The following TRPM3 variants were observed in gnomAD, a reference collection of about 807,000 sequenced individuals.
TRPM3 encodes transient receptor potential cation channel subfamily M member 3.
Under a neutral mutation model 181.2 loss-of-function variants are expected in TRPM3, and 77 were observed. The ratio of observed to expected loss-of-function variants is 0.42; its 90% confidence interval spans 0.35 to 0.51. TRPM3 has a LOEUF of 0.51. TRPM3 is among the 20% of genes least tolerant of loss of function. The pLI, the probability that TRPM3 is intolerant of heterozygous loss-of-function variation, is 0.01. For missense variants in TRPM3, 1,759 were observed against 2,196.7 expected (o/e 0.80, Z 3.98); for synonymous variants, 745 against 796.4 (o/e 0.94, Z 1.09).
At chr9:70,869,326 C>T (rs1292491027) in intron 1 of TRPM3, among the ~76,000 whole-genome samples, 1 of 151,890 alleles carries the variant, frequency 6.6e-6, no homozygotes, top group Non-Finnish European at 1.5e-5. Context: ...TGGCACAGGT[C>T]CTAACAGGCT....
chr9:70,990,644 A>T (rs952950220), intron 1 of TRPM3, among the ~76,000 whole-genome samples: 1 of 152,128 alleles, frequency 6.6e-6, no homozygotes, highest in African/African-American at 2.4e-5. Context: ...GTTGTTTATT[A>T]TTACTGGTGT....
intron 1 of TRPM3, among the ~76,000 whole-genome samples, chr9:70,994,938 G>A (rs776736698): frequency 4.6e-5 from 7 of 152,290 alleles, no homozygotes; most frequent in Non-Finnish European, 1.0e-4. Flanking sequence ...GTTTCCTGCA[G>A]GGCATGTTCT....
chr9:70,543,447 AT>A lies in TRPM3; in HGVS notation c.3708-6043del, dbSNP rs527667874. Among the ~76,000 whole-genome samples the A allele has an allele frequency of 2.6e-4, 40 of 150,998 alleles. No homozygotes were observed. The South Asian group carries it at 6.7e-3, about 25-fold the overall frequency. ...ACAGCAGATCTTATTCATTCTTTCT[AT>A]TTTTTTTTGTACCCATTAACCATTC... On this transcript the variant is annotated intron_variant, in intron 25 of 25. Coordinates refer to ENST00000677713, the MANE Select transcript of TRPM3 (RefSeq NM_001366145.2).
At chr9:71,263,785 T>G (rs561856206) in intron 1 of TRPM3, among the ~76,000 whole-genome samples, 2 of 152,242 alleles carry the variant, frequency 1.3e-5, no homozygotes, top group Non-Finnish European at 2.9e-5. Context: ...TTTTTCCTTC[T>G]TCTTTTTATT....
chr9:70,652,998 T>C (rs1451418123), intron 9 of TRPM3, among the ~76,000 whole-genome samples: 1 of 151,956 alleles, frequency 6.6e-6, no homozygotes, highest in Non-Finnish European at 1.5e-5. Context: ...GCCAAGGACT[T>C]GTTAGGTCGA....
intron 1 of TRPM3, among the ~76,000 whole-genome samples, chr9:70,892,346 A>C (rs1000441507): frequency 6.6e-6 from 1 of 152,150 alleles, no homozygotes; most frequent in Non-Finnish European, 1.5e-5. Flanking sequence ...AATTCGTAGA[A>C]ATACCTAGAA....
chr9:71,302,767 T>C (rs1016311604), intron 1 of TRPM3, among the ~76,000 whole-genome samples: 1 of 142,234 alleles, frequency 7.0e-6, no homozygotes, highest in Non-Finnish European at 1.5e-5. Context: ...TTGCAGAATA[T>C]GGAATAAATA....
intron 1 of TRPM3, among the ~76,000 whole-genome samples, chr9:71,078,698 A>G (rs1565145497): frequency 1.3e-5 from 2 of 152,200 alleles, no homozygotes; most frequent in African/African-American, 4.8e-5. Context: ...TCCCCTAATA[A>G]TCTTGCTTTT....
chr9:70,770,654 T>C (rs574242979), intron 7 of TRPM3, among the ~76,000 whole-genome samples: 129 of 152,294 alleles, frequency 8.5e-4, no homozygotes, highest in African/African-American at 3.0e-3. Context: ...TGAGACAGGT[T>C]ATTTGATCTC....
chr9:70,539,209 C>T lies in TRPM3; in HGVS notation c.3708-1804G>A, dbSNP rs114799069. Among the ~76,000 whole-genome samples, 519 of 152,290 alleles carry T rather than the reference C, an allele frequency of 3.4e-3. 4 individuals carry two copies. Among genetic ancestry groups the T allele is most frequent in the African/African-American group, 0.012 (484 of 41,560 alleles). ...GGGGGTGGTGGTGAGGTTTTAATGACAGCAACACTTCTATTAGGGAAGCAC... is the reference window on the plus strand; with the variant it reads ...GGGGGTGGTGGTGAGGTTTTAATGATAGCAACACTTCTATTAGGGAAGCAC... On this transcript the variant is annotated intron_variant, in intron 25 of 25. Transcript: ENST00000677713.
At chr9:70,923,338 TGGGAGGATATATA>T (rs1589805356) in intron 1 of TRPM3, among the ~76,000 whole-genome samples, 2 of 152,264 alleles carry the variant, frequency 1.3e-5, no homozygotes, top group Non-Finnish European at 1.5e-5. Flanking sequence ...TTTGGGATGA[TGGGAGGATATATA>T]GAGAGGATAA....
At chr9:71,340,250 G>C (rs2132599252) in intron 1 of TRPM3, among the ~76,000 whole-genome samples, 1 of 152,292 alleles carries the variant, frequency 6.6e-6, no homozygotes, top group Non-Finnish European at 1.5e-5. Context: ...AATAAATCCA[G>C]TAGTGCTGGG....
chr9:71,383,511 C>T (rs756810206), intron 1 of TRPM3, among the ~76,000 whole-genome samples: 3 of 152,158 alleles, frequency 2.0e-5, no homozygotes, highest in African/African-American at 7.2e-5. Context: ...CTTCTCTAAG[C>T]TGGTTTCTGT....
chr9:71,356,288 C>A (rs908537481), intron 1 of TRPM3, among the ~76,000 whole-genome samples: 8 of 152,072 alleles, frequency 5.3e-5, no homozygotes, highest in African/African-American at 1.9e-4. Flanking sequence ...ATTATTTCAT[C>A]ATCCTGGTGT....
chr9:71,401,259 A>G (rs1425102157), intron 1 of TRPM3, among the ~76,000 whole-genome samples: 1 of 151,276 alleles, frequency 6.6e-6, no homozygotes, highest in African/African-American at 2.4e-5. Flanking sequence ...CAAGGAACTT[A>G]GAGCTCTTTT....
chr9:71,003,647 T>C (rs186541855), intron 1 of TRPM3, among the ~76,000 whole-genome samples: 1 of 152,286 alleles, frequency 6.6e-6, no homozygotes, highest in Admixed American at 6.5e-5. Flanking sequence ...ATGGGAAATG[T>C]ATCTCAGTGT....
chr9:70,916,968 C>A, intron 1 of TRPM3: 1 of 1,463,764 alleles, frequency 6.8e-7, no homozygotes, highest in South Asian at 1.2e-5. Context: ...TTCTAGTGAA[C>A]AATCTGGTAT....
Position 70,846,373 on chromosome 9 carries a change from A to G in TRPM3, c.676+5T>C, listed in dbSNP as rs988153506. 3 of 1,612,976 alleles carry G rather than the reference A, an allele frequency of 1.9e-6. No individual in the cohort carries two copies. The highest frequency in any genetic ancestry group is 2.5e-6 in the Non-Finnish European group (3 of 1,179,138). ...GTTGACTTTCTCTGTTCCACTTGCA[A>G]TTACCTGTGTTAACCCCTCCAGTGA... On this transcript the variant is annotated splice_donor_5th_base_variant and intron_variant, in intron 4 of 25. Transcript: ENST00000677713.
At chr9:71,431,859 T>C (rs2093958955) in intron 1 of TRPM3, among the ~76,000 whole-genome samples, 1 of 152,226 alleles carries the variant, frequency 6.6e-6, no homozygotes, top group Admixed American at 6.5e-5. Context: ...TCATCTTCTC[T>C]CTGTCCAGGA....
Sources: gnomAD v4.1 joint callset for allele counts (sites outside exome capture counted in the v4.1 genomes callset) on GRCh38, gnomAD v4.1.1 for gene constraint, MANE v1.5 for transcripts, NCBI Gene and HGNC (gene_info 2026-07-23, HGNC 2026-07-21) for gene names.